BCKDHB: variants seen among roughly 807,000 people sequenced by gnomAD.
BCKDHB encodes the protein 2-oxoisovalerate dehydrogenase subunit beta, mitochondrial.
BCKDHB carries 41 observed loss-of-function variants against 48.5 expected under a neutral mutation model. The ratio of observed to expected loss-of-function variants is 0.85; its 90% CI spans 0.66 to 1.10. BCKDHB has a LOEUF of 1.10. BCKDHB is among the 50% of genes least tolerant of loss of function. The pLI is 0.00. For synonymous variants in BCKDHB, 201 were observed against 174.8 expected, an observed-to-expected ratio of 1.15 and a Z score of -1.18; for missense variants, 496 against 494.2, an observed-to-expected ratio of 1.00 and a Z score of -0.03.
In BCKDHB at chr6:80,169,019, C is replaced by T; in HGVS notation, c.622C>T (p.Pro208Ser). Residue 208 changes from proline (P) to serine (S), a missense_variant, in exon 5 of 10, where the codon CCA becomes TCA. Pro to Ser is a moderately conservative substitution (Grantham distance 74). Transcript: ENST00000320393. ...TCCTGAAGCATTTTTTGCCCATTGCCCAGGAATCAAGGTATGTTCATTTAT... is the reference window on the plus strand; with the variant it reads ...TCCTGAAGCATTTTTTGCCCATTGCTCAGGAATCAAGGTATGTTCATTTAT... ...QSPEAFFAHC[P>S]GIKVVIPRSP... is the part of the protein sequence containing the mutation. The T allele has an allele frequency of 6.2e-7, 1 of 1,613,966 alleles. No individual in the cohort carries two copies. The highest frequency in any genetic ancestry group is 8.5e-7 in the Non-Finnish European group (1 of 1,179,906).
At chr6:80,125,598 G>C (rs1191727432) in intron 1 of BCKDHB, among the ~76,000 whole-genome samples, 1 of 152,100 alleles carries the variant, frequency 6.6e-6, no homozygotes. Context: ...CCTTTCACTT[G>C]AAAACTTAGA....
At chr6:80,289,279 CT>C (rs541829821) in intron 9 of BCKDHB, among the ~76,000 whole-genome samples, 294 of 152,140 alleles carry the variant, frequency 1.9e-3, no homozygotes, top group Middle Eastern at 0.014. Flanking sequence ...TCCATGAGTA[CT>C]TTACGGGTTA....
At chr6:80,399,568 T>G in the BCKDHB span, among the ~76,000 whole-genome samples, 15 of 152,252 alleles carry the variant, frequency 9.9e-5, no homozygotes, top group Admixed American at 9.2e-4. Context: ...CAAGGAGAAC[T>G]ACAAAACATT....
the BCKDHB span, among the ~76,000 whole-genome samples, chr6:80,425,730 ACTTTT>A: frequency 6.6e-6 from 1 of 152,140 alleles, no homozygotes; most frequent in East Asian, 1.9e-4. Flanking sequence ...ATGATAGTAT[ACTTTT>A]CTTAATGTTT....
the BCKDHB span, among the ~76,000 whole-genome samples, chr6:80,462,578 G>A: frequency 5.3e-5 from 8 of 152,190 alleles, no homozygotes; most frequent in Non-Finnish European, 1.2e-4. Context: ...GGCCCTGAAA[G>A]CACATAGCCA....
At chr6:80,187,540 G>A (rs1252295081) in intron 6 of BCKDHB, among the ~76,000 whole-genome samples, 1 of 151,954 alleles carries the variant, frequency 6.6e-6, no homozygotes, top group Non-Finnish European at 1.5e-5. Flanking sequence ...GAGTAAACAG[G>A]CAACCTATAG....
chr6:80,240,082 GT>G (rs1776316976), intron 8 of BCKDHB, among the ~76,000 whole-genome samples: 1 of 152,144 alleles, frequency 6.6e-6, no homozygotes, highest in Non-Finnish European at 1.5e-5. Context: ...TCTTGGGAAT[GT>G]GGGCTCTTTT....
In BCKDHB at chr6:80,325,064, T is replaced by C. The variant is rs541299126; in HGVS notation, c.1039-18600T>C. On this transcript the variant is annotated intron_variant, in intron 9 of 9. Transcript: ENST00000320393. ...TGAGTGGTCTTGTATGGGGACGGTTTTGAATAACATATAGAAAGTACTATA... is the reference window on the plus strand; with the variant it reads ...TGAGTGGTCTTGTATGGGGACGGTTCTGAATAACATATAGAAAGTACTATA... Among the ~76,000 whole-genome samples the C allele has an allele frequency of 2.0e-5, 3 of 152,302 alleles. No individual in the cohort carries two copies. In the South Asian group the frequency reaches 6.2e-4, roughly 32 times the overall value.
At chr6:80,450,760 C>T in the BCKDHB span, among the ~76,000 whole-genome samples, 1 of 152,116 alleles carries the variant, frequency 6.6e-6, no homozygotes, top group Non-Finnish European at 1.5e-5. Flanking sequence ...TTAGCAGCAA[C>T]ACACTGGCAA....
intron 9 of BCKDHB, among the ~76,000 whole-genome samples, chr6:80,315,442 C>T (rs1408787477): frequency 6.6e-6 from 1 of 152,114 alleles, no homozygotes; most frequent in Non-Finnish European, 1.5e-5. Flanking sequence ...TTTCTTCATT[C>T]TCCCTGGGTT....
rs1770120684 is a variant in BCKDHB, at chr6:80,344,850, CT to C, written c.*1047del. The C allele has an allele frequency of 2.6e-5, 4 of 152,178 alleles. No individual in the cohort carries two copies. The highest frequency in any genetic ancestry group is 2.6e-4 in the Admixed American group (4 of 15,274). The allele number at this position is 152,178 out of a possible 1,614,324, so 9.4% of individuals were successfully genotyped here. A position where few individuals can be genotyped will look rare whatever the true frequency, so the allele number is the denominator to read the frequency against. ...TACTTTCTGTATTTAAAAATGGCCC[CT>C]CAAGCACCGTTAATTTACATTCCAG... On this transcript the variant is annotated 3_prime_UTR_variant, in exon 10 of 10. Coordinates refer to ENST00000320393, the MANE Select transcript of BCKDHB (RefSeq NM_183050.4).
chr6:80,289,723 C>A (rs653582), intron 9 of BCKDHB, among the ~76,000 whole-genome samples: 121,250 of 151,932 alleles, frequency 0.8, 48,566 homozygotes, highest in Admixed American at 0.87. Context: ...CGTGTCTCCC[C>A]TGGATGTGTG....
Position 80,155,752 on chromosome 6 carries a change from G to A in BCKDHB, c.344-11926G>A, listed in dbSNP as rs139461577. 1.7e-3 allele frequency among the ~76,000 whole-genome samples: 262 copies of A among 151,170 alleles called. 1 individual carries two copies. Among genetic ancestry groups the A allele is most frequent in the African/African-American group, 6.0e-3 (248 of 41,182 alleles). ...GAATTTCTTTTTTTCCCCAATAGAT[G>A]CAATATAGGAATGTACTTATATTCT... On this transcript the variant is annotated intron_variant, in intron 3 of 9. Coordinates refer to ENST00000320393, the MANE Select transcript of BCKDHB (RefSeq NM_183050.4).
the BCKDHB span, among the ~76,000 whole-genome samples, chr6:80,395,331 A>G: frequency 2.6e-5 from 4 of 152,204 alleles, no homozygotes; most frequent in African/African-American, 4.8e-5. Flanking sequence ...CTTGCTAGAG[A>G]CTTCTTGAAT....
chr6:80,281,136 G>A (rs1287578339), intron 9 of BCKDHB, among the ~76,000 whole-genome samples: 1 of 151,998 alleles, frequency 6.6e-6, no homozygotes, highest in Non-Finnish European at 1.5e-5. Flanking sequence ...TAAGGTGTAG[G>A]AAATGGGTAA....
chr6:80,435,894 G>C, the BCKDHB span, among the ~76,000 whole-genome samples: 3 of 152,114 alleles, frequency 2.0e-5, no homozygotes, highest in Admixed American at 6.5e-5. Flanking sequence ...TTAGCTGGCT[G>C]TAGTGGCGCA....
At chr6:80,155,141 C>A (rs1231606978) in intron 3 of BCKDHB, among the ~76,000 whole-genome samples, 1 of 152,020 alleles carries the variant, frequency 6.6e-6, no homozygotes, top group Non-Finnish European at 1.5e-5. Context: ...TTCCTGTTTT[C>A]TTAACATGCT....
chr6:80,359,296 T>C, the BCKDHB span, among the ~76,000 whole-genome samples: 5 of 152,176 alleles, frequency 3.3e-5, no homozygotes, highest in Non-Finnish European at 1.5e-5. Flanking sequence ...CTTTGGGCTC[T>C]CTTCCCTTGC....
In BCKDHB at chr6:80,344,802, C is replaced by G. The variant is rs1770117552; in HGVS notation, c.*998C>G. The G allele has an allele frequency of 6.6e-6, 1 of 152,118 alleles. No individual in the cohort carries two copies. The highest frequency in any genetic ancestry group is 1.5e-5 in the Non-Finnish European group (1 of 68,004). 9.4% of individuals were successfully genotyped at this position (152,118 alleles called of 1,614,324 possible). On this transcript the variant is annotated 3_prime_UTR_variant, in exon 10 of 10. Transcript: ENST00000320393. ...ATTTTTGTATATATTTTTTCAGCTA[C>G]TTAAACTGTTCATGAATAGGCGTAC...
Sources: gnomAD v4.1 joint callset for allele counts (sites outside exome capture counted in the v4.1 genomes callset) on GRCh38, gnomAD v4.1.1 for gene constraint, MANE v1.5 for transcripts, NCBI Gene and HGNC (gene_info 2026-07-23, HGNC 2026-07-21) for gene names.